PHF21B: variants seen among roughly 807,000 people sequenced by gnomAD.
PHF21B encodes PHD finger protein 4.
Under a neutral mutation model 62.2 loss-of-function variants are expected in PHF21B, and 22 were observed. The observed-to-expected ratio is 0.35, with a 90% CI of 0.25 to 0.51. The LOEUF is 0.51. Among genes scored for constraint, PHF21B ranks in the 20% least tolerant of loss-of-function variants. The pLI is 0.97. For synonymous variants in PHF21B, 341 were observed against 314.7 expected (o/e 1.08, Z -0.88); for missense variants, 701 against 707.9 (o/e 0.99, Z 0.11).
At chr22:44,895,425 G>T (rs2071038976) in intron 6 of PHF21B, among the ~76,000 whole-genome samples, 3 of 152,294 alleles carry the variant, frequency 2.0e-5, no homozygotes, top group Admixed American at 2.0e-4. Flanking sequence ...TGCCCTGTCT[G>T]CTCAAATAAA....
intron 2 of PHF21B, among the ~76,000 whole-genome samples, chr22:44,986,521 CAAAAAAAAAAAAAA>C (rs3063310): frequency 2.8e-4 from 24 of 85,846 alleles, no homozygotes; most frequent in African/African-American, 1.8e-4. Context: ...GATCTTATTT[CAAAAAAAAAAAAAA>C]AAAAAAAAAA....
rs149451830 is a variant in PHF21B, at chr22:44,916,442, G to A, written c.402C>T (p.Ala134=). The A allele has an allele frequency of 4.9e-5, 79 of 1,599,198 alleles. No individual in the cohort carries two copies. The African/African-American group carries it at 8.3e-4, about 17-fold the overall frequency. ...GCGGAGAGGCGAGGGCGGCGGGCTC[G>A]GCGAGGGCCTGGGGCTGGCTGCCGG... ...PAPGSQPQAL[A]EPAALASPLS... Residue 134 remains alanine (A), a synonymous_variant, in exon 4 of 13, where the codon GCC becomes GCT. Coordinates refer to ENST00000313237, the MANE Select transcript of PHF21B (RefSeq NM_138415.5).
In PHF21B at chr22:44,940,230, C is replaced by A. The variant is rs545232087; in HGVS notation, c.121-19740G>T. The stretch of plus-strand genomic sequence containing the variant: ...GGGCCTGAACCTGCCTCCGGGCAAG[C>A]CTGTCCACACCCTCCAGCCACCTTA... On this transcript the variant is annotated intron_variant, in intron 2 of 12. Coordinates refer to ENST00000313237, the MANE Select transcript of PHF21B (RefSeq NM_138415.5). Among the ~76,000 whole-genome samples, 32 of 152,356 alleles carry A rather than the reference C, an allele frequency of 2.1e-4. 1 individual carries two copies. The highest frequency in any genetic ancestry group is 3.5e-4 in the Non-Finnish European group (24 of 68,034).
intron 2 of PHF21B, among the ~76,000 whole-genome samples, chr22:45,002,434 T>G (rs554142659): frequency 6.6e-6 from 1 of 152,324 alleles, no homozygotes; most frequent in African/African-American, 2.4e-5. Flanking sequence ...ACTAATTCTT[T>G]GGCTCTAAGA....
At chr22:44,920,627 T>A (rs4823420) in intron 2 of PHF21B, 137 bp from the exon 3 acceptor site, 441,499 of 505,686 alleles carry the variant, frequency 0.87, 193,362 homozygotes, top group East Asian at 0.94. Context: ...TTATGATTTT[T>A]AAAAAATCAC....
rs1015403201 is a variant in PHF21B, at chr22:44,889,864, T to C, written c.1016-82A>G. 6.5e-6 allele frequency: 9 copies of C among 1,392,912 alleles called. No individual in the cohort carries two copies. The African/African-American group carries it at 1.2e-4, about 19-fold the overall frequency. 86.3% of individuals were successfully genotyped at this position (1,392,912 alleles called of 1,614,324 possible). Reference sequence around the variant, plus strand: ...CAGGACTGGAGTCCATGAGGCCTCATGTGGCAAGGGCTCTTACCCCAGGGC... The same window carrying C: ...CAGGACTGGAGTCCATGAGGCCTCACGTGGCAAGGGCTCTTACCCCAGGGC... On this transcript the variant is annotated intron_variant, in intron 8 of 12. Transcript: ENST00000313237.
intron 2 of PHF21B, 154 bp downstream of exon 2, chr22:45,008,391 G>A (rs538334918): frequency 3.5e-4 from 222 of 641,446 alleles, no homozygotes; most frequent in African/African-American, 3.2e-3. Context: ...TTCTTTCCAG[G>A]AAAGGGGAGG....
At chr22:44,889,270 C>T (rs928067708) in intron 9 of PHF21B, among the ~76,000 whole-genome samples, 9 of 31,698 alleles carry the variant, frequency 2.8e-4, no homozygotes, top group East Asian at 2.8e-3. Flanking sequence ...GGTGTGTGCA[C>T]GGGTAGGGGG....
At chr22:44,896,890 T>TTTTTGTTTTTTG (rs746217119) in intron 5 of PHF21B, among the ~76,000 whole-genome samples, 16 of 145,084 alleles carry the variant, frequency 1.1e-4, no homozygotes, top group South Asian at 2.2e-4. Flanking sequence ...GTTTTTTTTT[T>TTTTTGTTTTTTG]TTTTTTGAGA....
chr22:44,997,759 C>T lies in PHF21B; in HGVS notation c.120+10786G>A, dbSNP rs373871378. Among the ~76,000 whole-genome samples, 10 of 152,326 alleles carry T rather than the reference C, an allele frequency of 6.6e-5. No homozygotes were observed. In the East Asian group the frequency reaches 1.9e-3, roughly 29 times the overall value. ...TCTCTCCCTTCCCCTCCTCTCCTGC[C>T]TCATCCCAGCCCTTTTCTTTTGCCT... On this transcript the variant is annotated intron_variant, in intron 2 of 12. Coordinates refer to ENST00000313237, the MANE Select transcript of PHF21B (RefSeq NM_138415.5).
chr22:44,950,080 T>C (rs1296942185), intron 2 of PHF21B, among the ~76,000 whole-genome samples: 1 of 152,200 alleles, frequency 6.6e-6, no homozygotes, highest in Non-Finnish European at 1.5e-5. Flanking sequence ...TCTCCGTCCA[T>C]GCACAGACCA....
intron 2 of PHF21B, among the ~76,000 whole-genome samples, chr22:44,996,789 C>T (rs1194345082): frequency 1.3e-5 from 2 of 152,092 alleles, no homozygotes; most frequent in Non-Finnish European, 2.9e-5. Context: ...CACAAGCACA[C>T]ACACATGCAT....
chr22:44,969,527 G>A (rs1322029696), intron 2 of PHF21B, among the ~76,000 whole-genome samples: 1 of 152,148 alleles, frequency 6.6e-6, no homozygotes, highest in Admixed American at 6.5e-5. Flanking sequence ...TTAGCCAGGC[G>A]TGGTGGTGGG....
intron 2 of PHF21B, among the ~76,000 whole-genome samples, chr22:44,935,222 G>A (rs558754358): frequency 1.3e-5 from 2 of 152,254 alleles, no homozygotes; most frequent in African/African-American, 4.8e-5. Context: ...TAAGGGTTAT[G>A]AGACCCTGAA....
At chr22:44,977,954 TCAACTC>T (rs1601670277) in intron 2 of PHF21B, among the ~76,000 whole-genome samples, 1 of 152,146 alleles carries the variant, frequency 6.6e-6, no homozygotes, top group Non-Finnish European at 1.5e-5. Context: ...GAAGAAAACT[TCAACTC>T]CAAGCTCCCA....
chr22:44,913,729 C>T (rs2071384409), intron 5 of PHF21B, 93 bp downstream of exon 5: 6 of 1,468,096 alleles, frequency 4.1e-6, no homozygotes, highest in African/African-American at 1.4e-5. Context: ...TCGGGACCAC[C>T]CCACAGTGAG....
chr22:44,909,945 A>G (rs2071316860), intron 5 of PHF21B, among the ~76,000 whole-genome samples: 1 of 152,202 alleles, frequency 6.6e-6, no homozygotes, highest in Non-Finnish European at 1.5e-5. Flanking sequence ...TGAACCCGTT[A>G]GAGTCCTTGG....
chr22:44,926,159 A>G (rs1203671018), intron 2 of PHF21B, among the ~76,000 whole-genome samples: 1 of 88,552 alleles, frequency 1.1e-5, no homozygotes, highest in African/African-American at 3.3e-5. Context: ...GGGAAGGTCC[A>G]TGAGGCATGA....
At chr22:44,912,297 G>C (rs978034730) in intron 5 of PHF21B, among the ~76,000 whole-genome samples, 3 of 152,192 alleles carry the variant, frequency 2.0e-5, no homozygotes, top group Non-Finnish European at 4.4e-5. Flanking sequence ...TGTTGGGAAG[G>C]CATGATTGGT....
Sources: allele counts gnomAD v4.1 joint callset (sites outside exome capture counted in the v4.1 genomes callset), GRCh38; gene constraint gnomAD v4.1.1; transcripts MANE v1.5; gene names NCBI Gene and HGNC (gene_info 2026-07-23, HGNC 2026-07-21).